Variants in FAM149B1 observed in about 807,000 individuals in gnomAD.
FAM149B1 encodes family with sequence similarity 149 member B1.
FAM149B1 carries 56 observed loss-of-function variants against 75.3 expected under a neutral mutation model. The observed-to-expected ratio is 0.74, with a 90% CI of 0.60 to 0.93. FAM149B1 has a LOEUF of 0.93. Ranked by LOEUF, FAM149B1 falls within the 40% of genes least tolerant of loss-of-function variation. The pLI is 0.00. For missense variants in FAM149B1, 639 were observed against 708.4 expected, an observed-to-expected ratio of 0.90 and a Z score of 1.11; for synonymous variants, 259 against 256.1, an observed-to-expected ratio of 1.01 and a Z score of -0.11.
intron 7 of FAM149B1, among the ~76,000 whole-genome samples, chr10:73,218,361 T>G (rs2043340582): frequency 6.6e-6 from 1 of 152,228 alleles, no homozygotes; most frequent in Admixed American, 6.5e-5. Context: ...TCAGGCTGCT[T>G]CTTGCCAGTA....
intron 9 of FAM149B1, among the ~76,000 whole-genome samples, chr10:73,231,568 C>T (rs1395857658): frequency 6.6e-6 from 1 of 152,148 alleles, no homozygotes; most frequent in African/African-American, 2.4e-5. Context: ...ATGCAGGAGT[C>T]CACGCATGAG....
chr10:73,190,901 A>G (rs2042667298), intron 3 of FAM149B1, among the ~76,000 whole-genome samples: 1 of 151,800 alleles, frequency 6.6e-6, no homozygotes, highest in Non-Finnish European at 1.5e-5. Flanking sequence ...TATTTTTTTT[A>G]GAGATGGCAG....
chr10:73,221,018 A>C (rs1338161213), intron 7 of FAM149B1, among the ~76,000 whole-genome samples: 1 of 152,244 alleles, frequency 6.6e-6, no homozygotes, highest in African/African-American at 2.4e-5. Context: ...GAAAGAAGCC[A>C]ATCACAAAGC....
intron 6 of FAM149B1, among the ~76,000 whole-genome samples, chr10:73,209,550 C>T (rs911215265): frequency 6.6e-6 from 1 of 152,184 alleles, no homozygotes; most frequent in African/African-American, 2.4e-5. Context: ...CTATTTATAT[C>T]TATTCTAACT....
At position 73,219,900 on chromosome 10, in the gene FAM149B1, A is replaced by C. The variant is rs570558693; in HGVS notation, c.899-8160A>C. On this transcript the variant is annotated intron_variant, in intron 7 of 13. Coordinates refer to ENST00000242505, the MANE Select transcript of FAM149B1 (RefSeq NM_173348.2). ...AGCATGAGCAGCAAAAGAAAAAATA[A>C]TTTGGACTTCATCAAAATGTAAAAC... 1.5e-4 allele frequency among the ~76,000 whole-genome samples: 23 copies of C among 152,156 alleles called. No individual in the cohort carries two copies. The South Asian group carries it at 4.8e-3, about 32-fold the overall frequency.
At chr10:73,186,545 A>G (rs1036856384) in intron 3 of FAM149B1, among the ~76,000 whole-genome samples, 12 of 152,366 alleles carry the variant, frequency 7.9e-5, no homozygotes, top group Non-Finnish European at 1.6e-4. Flanking sequence ...CTTTATTCAC[A>G]GATACCATGA....
chr10:73,243,864 A>ATCGCTGCCTTCAGGCTT lies in FAM149B1; in HGVS notation c.*2847_*2848insGCTGCCTTCAGGCTTTC. 1 of 1,614,156 alleles carries ATCGCTGCCTTCAGGCTT rather than the reference A, an allele frequency of 6.2e-7. No homozygotes were observed. The highest frequency in any genetic ancestry group is 1.1e-5 in the South Asian group (1 of 91,076). On this transcript the variant is annotated 3_prime_UTR_variant, in exon 14 of 14. Coordinates refer to ENST00000242505, the MANE Select transcript of FAM149B1 (RefSeq NM_173348.2). ...TTACCTGAATGGCTGCCTTCAGGCT[A>ATCGCTGCCTTCAGGCTT]TCCACGCCTTCATCAAGCCCCAACT...
At chr10:73,219,940 G>C (rs1453682510) in intron 7 of FAM149B1, among the ~76,000 whole-genome samples, 1 of 150,940 alleles carries the variant, frequency 6.6e-6, no homozygotes, top group Non-Finnish European at 1.5e-5. Context: ...TGCTATAAAA[G>C]ACATTATCAA....
chr10:73,189,839 C>A (rs2042637423), intron 3 of FAM149B1, among the ~76,000 whole-genome samples: 1 of 152,168 alleles, frequency 6.6e-6, no homozygotes, highest in African/African-American at 2.4e-5. Context: ...CTTAAATGTG[C>A]ATTTTGTTGA....
intron 5 of FAM149B1, among the ~76,000 whole-genome samples, chr10:73,202,467 T>G (rs958074715): frequency 2.0e-5 from 3 of 151,882 alleles, no homozygotes; most frequent in Non-Finnish European, 4.4e-5. Context: ...TTTTTTTTTT[T>G]TGTTACCCAG....
intron 10 of FAM149B1, among the ~76,000 whole-genome samples, chr10:73,233,681 TTC>T (rs2043761549): frequency 6.6e-6 from 1 of 152,200 alleles, no homozygotes; most frequent in Non-Finnish European, 1.5e-5. Context: ...TATTGAATCT[TTC>T]TGTTGATCTA....
At chr10:73,197,017 T>G (rs1251294371) in intron 5 of FAM149B1, among the ~76,000 whole-genome samples, 1 of 152,164 alleles carries the variant, frequency 6.6e-6, no homozygotes, top group Admixed American at 6.5e-5. Flanking sequence ...TGTTTTTTGT[T>G]TTTTGAGACA....
chr10:73,174,823 T>C, intron 2 of FAM149B1, 32 bp downstream of exon 2: 1 of 1,414,834 alleles, frequency 7.1e-7, no homozygotes, highest in Non-Finnish European at 9.8e-7. Flanking sequence ...GTTTACTTAT[T>C]GCACTTGCTC....
intron 7 of FAM149B1, among the ~76,000 whole-genome samples, chr10:73,211,678 G>A (rs1442044954): frequency 2.0e-5 from 3 of 152,184 alleles, no homozygotes; most frequent in Non-Finnish European, 4.4e-5. Flanking sequence ...TGAATATAAT[G>A]ATTTATGAAG....
At chr10:73,170,723 T>C (rs1048248949) in intron 1 of FAM149B1, among the ~76,000 whole-genome samples, 2 of 152,246 alleles carry the variant, frequency 1.3e-5, no homozygotes. Context: ...TAGTTCCTAG[T>C]AAACTCTTTG....
At chr10:73,229,830 G>A (rs893982036) in intron 8 of FAM149B1, among the ~76,000 whole-genome samples, 2 of 152,180 alleles carry the variant, frequency 1.3e-5, no homozygotes, top group Non-Finnish European at 1.5e-5. Context: ...TGCCAGAAAA[G>A]CCAATGAGCT....
intron 7 of FAM149B1, among the ~76,000 whole-genome samples, chr10:73,219,225 A>ATT (rs2043356856): frequency 6.6e-6 from 1 of 152,226 alleles, no homozygotes; most frequent in Non-Finnish European, 1.5e-5. Context: ...CCACACTGAA[A>ATT]ACTATGTAAT....
chr10:73,185,169 A>C (rs188148793), intron 3 of FAM149B1, among the ~76,000 whole-genome samples: 1 of 152,228 alleles, frequency 6.6e-6, no homozygotes, highest in African/African-American at 2.4e-5. Context: ...ACTTAAAGAA[A>C]AATTAAAAAT....
At chr10:73,216,172 T>C (rs2043294079) in intron 7 of FAM149B1, among the ~76,000 whole-genome samples, 1 of 152,210 alleles carries the variant, frequency 6.6e-6, no homozygotes, top group African/African-American at 2.4e-5. Flanking sequence ...CTTATTTTTA[T>C]GTTTTTGATT....
Sources: gnomAD v4.1 joint callset for allele counts (sites outside exome capture counted in the v4.1 genomes callset) on GRCh38, gnomAD v4.1.1 for gene constraint, MANE v1.5 for transcripts, NCBI Gene and HGNC (gene_info 2026-07-23, HGNC 2026-07-21) for gene names.